Variants in RPA1 observed in about 807,000 individuals in gnomAD.
RPA1 encodes the protein replication protein A1.
In RPA1, 49 loss-of-function variants were observed where a neutral mutation model predicts 83.0. The ratio of observed to expected loss-of-function variants is 0.59; its 90% confidence interval spans 0.47 to 0.75. The LOEUF (loss-of-function observed/expected upper bound fraction) is 0.75, where lower values mean the gene tolerates loss of function less well. RPA1 is among the 30% of genes least tolerant of loss of function. The pLI is 0.00. For synonymous variants in RPA1, 279 were observed against 281.8 expected (o/e 0.99, Z 0.10); for missense variants, 693 against 776.1 (o/e 0.89, Z 1.27).
rs147280380 is a variant in RPA1 at position 1,862,054 on chromosome 17, G to A, written c.361+8865G>A. On this transcript the variant is annotated intron_variant, in intron 5 of 16. Coordinates refer to ENST00000254719, the MANE Select transcript of RPA1 (RefSeq NM_002945.5). The stretch of plus-strand genomic sequence containing the variant: ...TACAGGCACCCACCACCATGCCCGG[G>A]TGATTTTTTTTGTATTTTCAGTAGA... Among the ~76,000 whole-genome samples the A allele has an allele frequency of 4.2e-3, 633 of 150,970 alleles. 4 individuals are homozygous for A. The highest frequency in any genetic ancestry group is 0.027 in the Middle Eastern group (8 of 294).
chr17:1,867,918 C>CA (rs532733852), intron 5 of RPA1, among the ~76,000 whole-genome samples: 62 of 148,788 alleles, frequency 4.2e-4, no homozygotes, highest in Middle Eastern at 3.4e-3. Flanking sequence ...GTAGTCTCTA[C>CA]AAAAAAAAAT....
At chr17:1,859,711 G>C (rs963969033) in intron 5 of RPA1, among the ~76,000 whole-genome samples, 12 of 152,138 alleles carry the variant, frequency 7.9e-5, no homozygotes, top group African/African-American at 2.9e-4. Context: ...GCTCAGTGCA[G>C]CCTCAACACC....
chr17:1,878,172 T>C (rs575950125), intron 8 of RPA1, among the ~76,000 whole-genome samples: 15 of 151,984 alleles, frequency 9.9e-5, no homozygotes, highest in African/African-American at 3.1e-4. Context: ...GAGGTGGAGG[T>C]TGGAGCCAGC....
chr17:1,834,560 T>G (rs970312666), intron 1 of RPA1, among the ~76,000 whole-genome samples: 1 of 152,100 alleles, frequency 6.6e-6, no homozygotes, highest in Non-Finnish European at 1.5e-5. Context: ...ACCACACACA[T>G]GTGAAGGCGT....
intron 8 of RPA1, among the ~76,000 whole-genome samples, chr17:1,878,676 T>C (rs1055133170): frequency 2.0e-5 from 3 of 152,244 alleles, no homozygotes; most frequent in African/African-American, 7.2e-5. Flanking sequence ...TTTGTTTTTA[T>C]TGTCAGAATA....
intron 16 of RPA1, among the ~76,000 whole-genome samples, chr17:1,896,771 A>G (rs1298308913): frequency 6.6e-6 from 1 of 152,208 alleles, no homozygotes; most frequent in East Asian, 1.9e-4. Context: ...TATCCCCTGC[A>G]GTAGGGAGAA....
chr17:1,834,224 AG>A (rs1430279247), intron 1 of RPA1, among the ~76,000 whole-genome samples: 1 of 152,088 alleles, frequency 6.6e-6, no homozygotes, highest in Non-Finnish European at 1.5e-5. Context: ...TAATTTGATA[AG>A]TTTTTTTATT....
rs975149809 is a variant in RPA1 at position 1,874,960 on chromosome 17, G to A, written c.455-701G>A. ...TAAATTATATTTTCTGAATTTGGAC[G>A]TTGAGTTTTGCAGATACGTGGTGCG... On this transcript the variant is annotated intron_variant, in intron 6 of 16. Transcript: ENST00000254719. 3.3e-5 allele frequency among the ~76,000 whole-genome samples: 5 copies of A among 152,318 alleles called. 1 individual carries two copies. In the East Asian group the frequency reaches 5.8e-4, roughly 18 times the overall value.
At chr17:1,877,146 A>G (rs1441282220) in intron 7 of RPA1, 66 bp from the exon 8 acceptor site, 55 of 1,435,886 alleles carry the variant, frequency 3.8e-5, no homozygotes, top group Non-Finnish European at 5.3e-5. Flanking sequence ...CTGTAGGAAG[A>G]TGATTTCTTA....
At chr17:1,872,262 C>A (rs1163865399) in intron 5 of RPA1, 172 bp from the exon 6 acceptor site, 13 of 953,430 alleles carry the variant, frequency 1.4e-5, no homozygotes, top group Non-Finnish European at 1.9e-5. Context: ...AAAAAGTGAA[C>A]CCCTAGCAAA....
At chr17:1,869,940 T>C (rs12942403) in intron 5 of RPA1, among the ~76,000 whole-genome samples, 2 of 152,170 alleles carry the variant, frequency 1.3e-5, no homozygotes, top group Non-Finnish European at 2.9e-5. Context: ...AGTGGATTAG[T>C]AGCTTTTCCT....
At position 1,884,961 on chromosome 17, in the gene RPA1, G is replaced by A. The variant is rs747232336; in HGVS notation, c.1374+1017G>A. On this transcript the variant is annotated intron_variant, in intron 13 of 16. Coordinates refer to ENST00000254719, the MANE Select transcript of RPA1 (RefSeq NM_002945.5). This position sits in a 1 kb window ranked among gnomAD's most constrained non-coding sequence, Gnocchi z 4.1. ...ACGGCGATGGTTGCTGAACATCGGC[G>A]TGTCTTTGGCAGTTTCTTAAAATAA... is the stretch of plus-strand genomic sequence containing the variant. Among the ~76,000 whole-genome samples the A allele has an allele frequency of 8.5e-5, 13 of 152,196 alleles. No individual in the cohort carries two copies. Among genetic ancestry groups the A allele is most frequent in the Non-Finnish European group, 1.6e-4 (11 of 68,046 alleles).
At chr17:1,894,512 C>A (rs1401660231) in intron 15 of RPA1, among the ~76,000 whole-genome samples, 1 of 152,168 alleles carries the variant, frequency 6.6e-6, no homozygotes, top group Non-Finnish European at 1.5e-5. Flanking sequence ...TTTTTTGTGT[C>A]TAGTAAAGCA....
chr17:1,830,357 A>G (rs898387646), intron 1 of RPA1, among the ~76,000 whole-genome samples: 2 of 152,178 alleles, frequency 1.3e-5, no homozygotes, highest in Non-Finnish European at 2.9e-5. Context: ...CGTAAGAACA[A>G]ACTAAATAAA....
At chr17:1,847,818 G>A (rs1346969432) in intron 4 of RPA1, among the ~76,000 whole-genome samples, 3 of 151,790 alleles carry the variant, frequency 2.0e-5, no homozygotes, top group African/African-American at 7.3e-5. Flanking sequence ...ACAGGAGATC[G>A]AAACCAGCCT....
chr17:1,873,522 G>A (rs375480237), intron 6 of RPA1, among the ~76,000 whole-genome samples: 2 of 152,112 alleles, frequency 1.3e-5, no homozygotes, highest in East Asian at 1.9e-4. Flanking sequence ...TCTGAGAAAA[G>A]CAAGGTTAAG....
At chr17:1,859,592 G>C (rs933440103) in intron 5 of RPA1, among the ~76,000 whole-genome samples, 6 of 152,076 alleles carry the variant, frequency 3.9e-5, no homozygotes, top group African/African-American at 1.4e-4. Flanking sequence ...AGTCTGCTTT[G>C]ATATTAGCAT....
chr17:1,871,662 A>G (rs577776109), intron 5 of RPA1, among the ~76,000 whole-genome samples: 2 of 152,338 alleles, frequency 1.3e-5, no homozygotes, highest in South Asian at 4.1e-4. Flanking sequence ...TTACAGTTTT[A>G]ACATTCTTCA....
intron 4 of RPA1, among the ~76,000 whole-genome samples, chr17:1,850,171 C>CAAA (rs56943271): frequency 7.7e-6 from 1 of 130,292 alleles, no homozygotes; most frequent in Admixed American, 7.6e-5. Flanking sequence ...GACTCCATCT[C>CAAA]AAAAAAAAAA....
Sources: allele counts gnomAD v4.1 joint callset (sites outside exome capture counted in the v4.1 genomes callset), GRCh38; gene constraint gnomAD v4.1.1; non-coding constraint Gnocchi (gnomAD v3.1); transcripts MANE v1.5; gene names NCBI Gene and HGNC (gene_info 2026-07-23, HGNC 2026-07-21).